Variants in VSTM1 observed in about 807,000 individuals in gnomAD.
The protein encoded by VSTM1 is V-set and transmembrane domain-containing protein 1.
VSTM1 carries 27 observed loss-of-function variants against 33.1 expected under a neutral mutation model. The ratio of observed to expected loss-of-function variants is 0.82; its 90% confidence interval spans 0.60 to 1.12. The LOEUF is 1.12. Ranked by LOEUF, VSTM1 falls within the 50% of genes most tolerant of loss-of-function variation. VSTM1 has a pLI of 0.00. For synonymous variants in VSTM1, 115 were observed against 110.3 expected (o/e 1.04, Z -0.27); for missense variants, 304 against 288.9 (o/e 1.05, Z -0.38).
At chr19:54,060,230 T>C (rs184326315) in intron 1 of VSTM1, among the ~76,000 whole-genome samples, 2 of 152,254 alleles carry the variant, frequency 1.3e-5, no homozygotes, top group East Asian at 1.9e-4. Flanking sequence ...CCAAATACTC[T>C]CCTCACTTTA....
At chr19:54,051,794 A>G (rs972596232) in intron 3 of VSTM1, among the ~76,000 whole-genome samples, 2 of 151,894 alleles carry the variant, frequency 1.3e-5, no homozygotes, top group Non-Finnish European at 2.9e-5. Flanking sequence ...TGAGTCTTGC[A>G]CTGTTACCCA....
In VSTM1 at chr19:54,063,050, T is replaced by C. The variant is rs2071472490; in HGVS notation, c.34+694A>G. ...AATCGAGCTGGTCAGAAAATTGTCTTCTTGGGGCCAGGTGTGGTGGCTCAC... is the reference window on the plus strand; with the variant it reads ...AATCGAGCTGGTCAGAAAATTGTCTCCTTGGGGCCAGGTGTGGTGGCTCAC... On this transcript the variant is annotated intron_variant, in intron 1 of 8. Coordinates refer to ENST00000338372, the MANE Select transcript of VSTM1 (RefSeq NM_198481.4). Among the ~76,000 whole-genome samples the C allele has an allele frequency of 2.0e-5, 3 of 151,888 alleles. No homozygotes were observed. In the South Asian group the frequency reaches 6.2e-4, roughly 31 times the overall value.
At chr19:54,041,230 T>G (rs2070246019) in intron 8 of VSTM1, 150 bp from the exon 9 acceptor site, 2 of 778,408 alleles carry the variant, frequency 2.6e-6, no homozygotes, top group Non-Finnish European at 3.7e-6. Context: ...TTTTCTTTTC[T>G]GTTTTTATAA....
chr19:54,058,923 T>C (rs10419975), intron 1 of VSTM1, among the ~76,000 whole-genome samples, 191 bp from the exon 2 acceptor site: 140,171 of 147,918 alleles, frequency 0.95, 66,579 homozygotes, highest in African/African-American at 0.99. Context: ...AAATATAATA[T>C]ATATATTAAA....
intron 8 of VSTM1, among the ~76,000 whole-genome samples, chr19:54,041,356 C>T (rs1310377703): frequency 1.3e-5 from 2 of 151,762 alleles, no homozygotes; most frequent in Non-Finnish European, 2.9e-5. Context: ...GGCTGGAGTG[C>T]GGTGGCGTGA....
chr19:54,063,801 G>A lies in VSTM1; in HGVS notation c.-24C>T. On this transcript the variant is annotated 5_prime_UTR_variant, in exon 1 of 9. Transcript: ENST00000338372. ...ATAGCGTCCCTTCTGCCAGAACCAA[G>A]GCCCCGCCTTGGGTTTTACCCTTCA... 6.2e-7 allele frequency: 1 copy of A among 1,613,210 alleles called. No homozygotes were observed. Among genetic ancestry groups the A allele is most frequent in the Non-Finnish European group, 8.5e-7 (1 of 1,179,724 alleles).
chr19:54,047,376 T>TC (rs1326330450), intron 4 of VSTM1, among the ~76,000 whole-genome samples: 1 of 150,938 alleles, frequency 6.6e-6, no homozygotes, highest in African/African-American at 2.4e-5. Context: ...CTTTGGAACC[T>TC]CCCCCTCTGG....
chr19:54,047,522 G>A (rs1169582521), intron 4 of VSTM1, among the ~76,000 whole-genome samples: 1 of 152,096 alleles, frequency 6.6e-6, no homozygotes, highest in African/African-American at 2.4e-5. Flanking sequence ...TCAAACTCCA[G>A]AGCTCAAGTG....
chr19:54,051,470 A>C, intron 3 of VSTM1, 22 bp from the exon 4 acceptor site: 1 of 1,592,610 alleles, frequency 6.3e-7, no homozygotes, highest in Non-Finnish European at 8.5e-7. Context: ...GAGGGAAGAA[A>C]AGGAATTACA....
Position 54,058,564 on chromosome 19 carries a change from C to A in VSTM1, c.97G>T (p.Ala33Ser), listed in dbSNP as rs200132130. 3.1e-6 allele frequency: 5 copies of A among 1,613,662 alleles called. No individual in the cohort carries two copies. Among genetic ancestry groups the A allele is most frequent in the African/African-American group, 1.3e-5 (1 of 74,812 alleles). The change falls in exon 3 of 9, where the codon GCC (alanine) becomes TCC (serine). Residue 33 changes from alanine (A) to serine (S), a missense_variant. Physicochemically the swap from Ala to Ser is moderately conservative, Grantham distance 99 (BLOSUM62 1). Coordinates refer to ENST00000338372, the MANE Select transcript of VSTM1 (RefSeq NM_198481.4). ...NEKPPKPSLH[A>S]WPSSVVEAES... The stretch of plus-strand genomic sequence containing the variant: ...GCTTCAACCACCGAGCTGGGCCAGG[C>A]GTGGAGGGAGGGCTTGGGCGGTTTC...
At chr19:54,049,991 A>ATTTTTTTTTTTTTTTTTTTTTTTTTTTTT in intron 4 of VSTM1, among the ~76,000 whole-genome samples, 1 of 99,122 alleles carries the variant, frequency 1.0e-5, no homozygotes, top group African/African-American at 4.2e-5. Flanking sequence ...TAACTTTTTA[A>ATTTTTTTTTTTTTTTTTTTTTTTTTTTTT]TTTTTTTTTT....
At chr19:54,041,876 T>C (rs2070292880) in intron 7 of VSTM1, 40 bp downstream of exon 7, 1 of 1,614,090 alleles carries the variant, frequency 6.2e-7, no homozygotes, top group African/African-American at 1.3e-5. Flanking sequence ...AACTTAGTCT[T>C]TCTATCCGGT....
Position 54,063,624 on chromosome 19 carries a change from G to A in VSTM1, c.34+120C>T, listed in dbSNP as rs2071505146. 1.0e-5 allele frequency: 13 copies of A among 1,241,758 alleles called. No individual in the cohort carries two copies. In the East Asian group the frequency reaches 2.2e-4, roughly 21 times the overall value. 76.9% of individuals were successfully genotyped at this position (1,241,758 alleles called of 1,614,324 possible). A position where few individuals can be genotyped will look rare whatever the true frequency, so the allele number is the denominator to read the frequency against. ...AACCCACAGCCCAGACCCACCCACC[G>A]CAGGTGTGCAACACCTGGAAGTCAT... On this transcript the variant is annotated intron_variant, in intron 1 of 8. Coordinates refer to ENST00000338372, the MANE Select transcript of VSTM1 (RefSeq NM_198481.4).
chr19:54,058,239 T>TAA lies in VSTM1; in HGVS notation c.355+65_355+66dup, dbSNP rs375968457. Reference sequence around the variant, plus strand: ...TGGGAGACACAGCAAGACTCTGTCTTAAAAAAAAAAAAGCAAAGCCAAACC... The same window carrying TAA: ...TGGGAGACACAGCAAGACTCTGTCTTAAAAAAAAAAAAAAGCAAAGCCAAACC... On this transcript the variant is annotated intron_variant, in intron 3 of 8. Coordinates refer to ENST00000338372, the MANE Select transcript of VSTM1 (RefSeq NM_198481.4). 2.1e-3 allele frequency: 2,709 copies of TAA among 1,277,926 alleles called. 2 individuals are homozygous for TAA. Among genetic ancestry groups the TAA allele is most frequent in the African/African-American group, 3.9e-3 (255 of 65,030 alleles). 79.2% of individuals were successfully genotyped at this position (1,277,926 alleles called of 1,614,324 possible). A position where few individuals can be genotyped will look rare whatever the true frequency, so the allele number is the denominator to read the frequency against.
chr19:54,062,716 T>C (rs2071452888), intron 1 of VSTM1, among the ~76,000 whole-genome samples: 1 of 79,642 alleles, frequency 1.3e-5, no homozygotes. Flanking sequence ...AAAGCAAGAC[T>C]CTGTCAAAAA....
At position 54,040,941 on chromosome 19, in the gene VSTM1, T is replaced by C. The variant is rs183021723; in HGVS notation, c.*20A>G. ...GCCAGCACGATCCCCCCTCCTTTAG[T>C]GGCCAGGGCTGTCTTCTTGCTACAC... is the stretch of plus-strand genomic sequence containing the variant. On this transcript the variant is annotated 3_prime_UTR_variant, in exon 9 of 9. Coordinates refer to ENST00000338372, the MANE Select transcript of VSTM1 (RefSeq NM_198481.4). The C allele has an allele frequency of 6.2e-7, 1 of 1,603,228 alleles. No homozygotes were observed. The highest frequency in any genetic ancestry group is 8.5e-7 in the Non-Finnish European group (1 of 1,175,418).
In VSTM1 at chr19:54,061,016, C is replaced by CTTTTTTT. The variant is rs10693760; in HGVS notation, c.35-2291_35-2285dup. Among the ~76,000 whole-genome samples the CTTTTTTT allele has an allele frequency of 3.0e-3, 341 of 114,996 alleles. 3 individuals carry two copies. The highest frequency in any genetic ancestry group is 4.2e-3 in the Non-Finnish European group (244 of 58,148). The allele number at this position is 114,996 out of a possible 152,430, so 75.4% of individuals were successfully genotyped here. On this transcript the variant is annotated intron_variant, in intron 1 of 8. Coordinates refer to ENST00000338372, the MANE Select transcript of VSTM1 (RefSeq NM_198481.4). The stretch of plus-strand genomic sequence containing the variant: ...CCAATTCCCATATTCTTTTTCTTTT[C>CTTTTTTT]TTTTTTTTTTTTTTTTTTTGACATG...
At chr19:54,049,963 G>A (rs145401358) in intron 4 of VSTM1, among the ~76,000 whole-genome samples, 87 of 150,698 alleles carry the variant, frequency 5.8e-4, no homozygotes, top group African/African-American at 1.9e-3. Flanking sequence ...TGTTTCAGCC[G>A]AATGCTGCCA....
intron 4 of VSTM1, among the ~76,000 whole-genome samples, chr19:54,045,878 A>G (rs1296525974): frequency 6.6e-6 from 1 of 152,076 alleles, no homozygotes; most frequent in Non-Finnish European, 1.5e-5. Flanking sequence ...TCTATCAATC[A>G]TATCTAATTA....
Sources: gnomAD v4.1 joint callset for allele counts (sites outside exome capture counted in the v4.1 genomes callset) on GRCh38, gnomAD v4.1.1 for gene constraint, MANE v1.5 for transcripts, NCBI Gene and HGNC (gene_info 2026-07-23, HGNC 2026-07-21) for gene names.